Variants in STK17A observed in about 807,000 individuals in gnomAD.
The protein encoded by STK17A is serine/threonine kinase 17a.
STK17A carries 26 observed loss-of-function variants against 43.7 expected under a neutral mutation model. The observed-to-expected ratio is 0.60, with a 90% CI of 0.44 to 0.83. The LOEUF (loss-of-function observed/expected upper bound fraction) is 0.83, where lower values mean the gene tolerates loss of function less well. Ranked by LOEUF, STK17A falls within the 40% of genes least tolerant of loss-of-function variation. The pLI is 0.00. For synonymous variants in STK17A, 191 were observed against 182.5 expected (o/e 1.05, Z -0.38); for missense variants, 476 against 511.6 (o/e 0.93, Z 0.67).
At chr7:43,592,270 G>T in intron 1 of STK17A, among the ~76,000 whole-genome samples, 1 of 151,520 alleles carries the variant, frequency 6.6e-6, no homozygotes, top group East Asian at 1.9e-4. Context: ...ATTACTCTTT[G>T]AGGAATTCAT....
At chr7:43,609,550 T>G (rs1374257677) in intron 3 of STK17A, 1 of 152,210 alleles carries the variant, frequency 6.6e-6, no homozygotes, top group Non-Finnish European at 1.5e-5. Context: ...CTATGATGAT[T>G]CTTAGTATAT....
At chr7:43,608,857 GA>G (rs2082651944) in intron 3 of STK17A, 1 of 112,078 alleles carries the variant, frequency 8.9e-6, no homozygotes, top group Non-Finnish European at 2.4e-5. Context: ...AGACATAGAT[GA>G]TTTTTGAGCC....
intron 2 of STK17A, among the ~76,000 whole-genome samples, chr7:43,604,161 CTTTA>C (rs755860276): frequency 1.3e-5 from 2 of 151,952 alleles, no homozygotes; most frequent in African/African-American, 2.4e-5. Flanking sequence ...TACTTATATG[CTTTA>C]TTTACACTGT....
At chr7:43,624,403 AT>A (rs1349955183) in intron 6 of STK17A, 114 bp from the exon 7 acceptor site, 1 of 1,029,506 alleles carries the variant, frequency 9.7e-7, no homozygotes, top group Non-Finnish European at 1.3e-6. Flanking sequence ...TCACAGTAAG[AT>A]TTTTGCCAAC....
At chr7:43,587,443 G>A (rs2082451567) in intron 1 of STK17A, among the ~76,000 whole-genome samples, 1 of 151,366 alleles carries the variant, frequency 6.6e-6, no homozygotes, top group Non-Finnish European at 1.5e-5. Flanking sequence ...AAGTAAATTA[G>A]GGATGTCCTA....
intron 6 of STK17A, 88 bp downstream of exon 6, chr7:43,623,976 T>G (rs2084210388): frequency 3.2e-6 from 3 of 931,934 alleles, no homozygotes; most frequent in Non-Finnish European, 4.3e-6. Context: ...TTCTTGAATC[T>G]CCTCCAACCA....
Position 43,583,459 on chromosome 7 carries a change from G to A in STK17A, c.206+10G>A. 1.5e-6 allele frequency: 2 copies of A among 1,304,334 alleles called. No individual in the cohort carries two copies. The highest frequency in any genetic ancestry group is 9.7e-7 in the Non-Finnish European group (1 of 1,028,512). 80.8% of individuals were successfully genotyped at this position (1,304,334 alleles called of 1,614,324 possible). On this transcript the variant is annotated intron_variant, in intron 1 of 6. Coordinates refer to ENST00000319357, the MANE Select transcript of STK17A (RefSeq NM_004760.3). ...GCCGGGAGCTGGGCAGGTGAGGACG[G>A]GCGGGGCCCGGCGCGGAACCTTCCC... is the stretch of plus-strand genomic sequence containing the variant.
chr7:43,606,587 G>T (rs1185524192), intron 2 of STK17A, among the ~76,000 whole-genome samples: 1 of 152,110 alleles, frequency 6.6e-6, no homozygotes, highest in Non-Finnish European at 1.5e-5. Flanking sequence ...TGGTTAAAAA[G>T]TAGTGTTGCT....
At position 43,625,104 on chromosome 7, in the gene STK17A, T is replaced by A. The variant is rs191259928; in HGVS notation, c.*262T>A. ...TGGCACCTTTGAATTCTACATCCTG[T>A]TTCTCCAGAATGAGAATTTGTGTAC... is the stretch of plus-strand genomic sequence containing the variant. On this transcript the variant is annotated 3_prime_UTR_variant, in exon 7 of 7. Transcript: ENST00000319357. 529 of 311,528 alleles carry A rather than the reference T, an allele frequency of 1.7e-3. 2 individuals are homozygous for A. Among genetic ancestry groups the A allele is most frequent in the Admixed American group, 4.0e-3 (88 of 21,776 alleles). The allele number at this position is 311,528 out of a possible 1,614,324, so 19.3% of individuals were successfully genotyped here.
chr7:43,625,810 G>C lies in STK17A; in HGVS notation c.*968G>C, dbSNP rs1459898160. 1 of 151,618 alleles carries C rather than the reference G, an allele frequency of 6.6e-6. No homozygotes were observed. Among genetic ancestry groups the C allele is most frequent in the South Asian group, 2.1e-4 (1 of 4,798 alleles). 9.4% of individuals were successfully genotyped at this position (151,618 alleles called of 1,614,324 possible). A position where few individuals can be genotyped will look rare whatever the true frequency, so the allele number is the denominator to read the frequency against. On this transcript the variant is annotated 3_prime_UTR_variant, in exon 7 of 7. Transcript: ENST00000319357. The stretch of plus-strand genomic sequence containing the variant: ...ATGCCAACCACAGCCTGTTTCTGCT[G>C]AGTTTCTTATCAGCCCTCAAGCTAT...
chr7:43,601,683 C>G (rs2082556610), intron 2 of STK17A, among the ~76,000 whole-genome samples: 1 of 152,144 alleles, frequency 6.6e-6, no homozygotes, highest in Non-Finnish European at 1.5e-5. Context: ...TTACCAGCAC[C>G]TCACATTATT....
chr7:43,596,018 G>T lies in STK17A; in HGVS notation c.324G>T (p.Glu108Asp), dbSNP rs1264775404. ...GQDCRMEIIH[E>D]IAVLELAQDN... is the part of the protein sequence containing the mutation. ...ATTGTCGGATGGAAATAATTCATGA[G>T]ATTGCTGTACTTGAACTAGCACAAG... is the stretch of plus-strand genomic sequence containing the variant. The change falls in exon 2 of 7, where the codon GAG (glutamate) becomes GAT (aspartate). Residue 108 changes from glutamate (E) to aspartate (D), a missense_variant. By Grantham distance (45) the Glu-to-Asp change is conservative. This residue lies in a region of STK17A where 320 missense variants were observed against 326.3 expected (regional missense o/e 0.98). Transcript: ENST00000319357. 1.2e-6 allele frequency: 2 copies of T among 1,613,918 alleles called. No homozygotes were observed. Among genetic ancestry groups the T allele is most frequent in the Admixed American group, 3.3e-5 (2 of 60,016 alleles).
At chr7:43,614,350 G>A (rs1348468288) in intron 3 of STK17A, among the ~76,000 whole-genome samples, 1 of 152,054 alleles carries the variant, frequency 6.6e-6, no homozygotes, top group East Asian at 1.9e-4. Context: ...CTTACTACCT[G>A]GGATTCATAT....
chr7:43,596,867 C>CA lies in STK17A; in HGVS notation c.419+773dup, dbSNP rs34131847. Among the ~76,000 whole-genome samples, 349 of 106,380 alleles carry CA rather than the reference C, an allele frequency of 3.3e-3. 1 individual carries two copies. Among genetic ancestry groups the CA allele is most frequent in the Middle Eastern group, 0.021 (4 of 188 alleles). 69.8% of individuals were successfully genotyped at this position (106,380 alleles called of 152,430 possible). A position where few individuals can be genotyped will look rare whatever the true frequency, so the allele number is the denominator to read the frequency against. On this transcript the variant is annotated intron_variant, in intron 2 of 6. Transcript: ENST00000319357. ...TGGGCGACAAAGTGAGACTCCATCT[C>CA]AAAAAAAAAAAAAAAAAAACCTTAA...
chr7:43,623,728 TATGTC>T lies in STK17A; in HGVS notation c.764_768del (p.Val255AlafsTer11). 6.2e-7 allele frequency: 1 copy of T among 1,607,344 alleles called. No individual in the cohort carries two copies. Among genetic ancestry groups the T allele is most frequent in the Non-Finnish European group, 8.5e-7 (1 of 1,177,620 alleles). On this transcript the variant is annotated frameshift_variant, in exon 6 of 7. Coordinates refer to ENST00000319357, the MANE Select transcript of STK17A (RefSeq NM_004760.3). LOFTEE classifies it high-confidence loss of function. ...ATTTAGGAGCATTGGAGTGTTAACA[TATGTC>T]ATGCTTACAGGAATATCACCTTTCT... is the stretch of plus-strand genomic sequence containing the variant.
rs1423776294 is a variant in STK17A, at chr7:43,608,168, GACTGTAA to G, written c.420-87_420-81del. On this transcript the variant is annotated intron_variant, in intron 2 of 6. Transcript: ENST00000319357. Reference sequence around the variant, plus strand: ...TAAAAAAGGTATACAGTTACTGCCAGACTGTAATTAATTTACTCTGTAGTTTTGGTGT... The same window carrying G: ...TAAAAAAGGTATACAGTTACTGCCAGTTAATTTACTCTGTAGTTTTGGTGT... 4.6e-6 allele frequency: 6 copies of G among 1,297,070 alleles called. No homozygotes were observed. In the Admixed American group the frequency reaches 1.4e-4, roughly 31 times the overall value. The allele number at this position is 1,297,070 out of a possible 1,614,324, so 80.3% of individuals were successfully genotyped here.
chr7:43,588,380 T>C (rs2082456911), intron 1 of STK17A, among the ~76,000 whole-genome samples: 1 of 151,610 alleles, frequency 6.6e-6, no homozygotes, highest in Admixed American at 6.6e-5. Context: ...TATTACACAC[T>C]TGTTAGCCAG....
chr7:43,606,916 CTTTTTTTTTTTT>C (rs71011933), intron 2 of STK17A, among the ~76,000 whole-genome samples: 2 of 62,648 alleles, frequency 3.2e-5, no homozygotes, highest in East Asian at 1.4e-3. Context: ...TTTCGATTTT[CTTTTTTTTTTTT>C]TTTTTTTTTT....
At chr7:43,604,398 T>G (rs1417438714) in intron 2 of STK17A, among the ~76,000 whole-genome samples, 1 of 152,160 alleles carries the variant, frequency 6.6e-6, no homozygotes, top group Non-Finnish European at 1.5e-5. Context: ...ATTGCCTTAC[T>G]CTGAATTTTT....
Sources: gnomAD v4.1 joint callset for allele counts (sites outside exome capture counted in the v4.1 genomes callset) on GRCh38, gnomAD v4.1.1 for gene constraint, gnomAD v4.1.1 regional missense constraint, MANE v1.5 for transcripts, NCBI Gene and HGNC (gene_info 2026-07-23, HGNC 2026-07-21) for gene names.